Variants in PACRG observed in about 807,000 individuals in gnomAD.
PACRG encodes the protein parkin coregulated gene protein.
In PACRG, 29 loss-of-function variants were observed where a neutral mutation model predicts 29.7. The observed-to-expected ratio is 0.98, with a 90% CI of 0.73 to 1.33. PACRG has a LOEUF of 1.33. Ranked by LOEUF, PACRG falls within the 40% of genes most tolerant of loss-of-function variation. PACRG has a pLI of 0.00. For missense variants in PACRG, 279 were observed against 316.2 expected (o/e 0.88, Z 0.89); for synonymous variants, 116 against 118.7 (o/e 0.98, Z 0.15).
intron 2 of PACRG, among the ~76,000 whole-genome samples, chr6:162,955,516 G>T (rs898868904): frequency 6.6e-6 from 1 of 152,154 alleles, no homozygotes; most frequent in East Asian, 1.9e-4. Flanking sequence ...GGCCAGGCTG[G>T]TCTTGAACTC....
chr6:162,952,059 G>A (rs866613236), intron 2 of PACRG, among the ~76,000 whole-genome samples: 7 of 152,174 alleles, frequency 4.6e-5, no homozygotes, highest in Admixed American at 3.3e-4. Context: ...TAGTTCCTAC[G>A]TAGCTGAAAC....
At chr6:162,923,778 G>T (rs1797229732) in intron 2 of PACRG, among the ~76,000 whole-genome samples, 1 of 152,034 alleles carries the variant, frequency 6.6e-6, no homozygotes, top group East Asian at 1.9e-4. Context: ...AATATATTTT[G>T]AAGTCAGGTA....
chr6:162,807,955 T>C (rs1786501695), intron 1 of PACRG, among the ~76,000 whole-genome samples: 2 of 152,244 alleles, frequency 1.3e-5, no homozygotes, highest in South Asian at 4.1e-4. Context: ...CTTAAATTGT[T>C]ATATTGTTAT....
At chr6:163,212,281 T>A (rs963864190) in intron 4 of PACRG, among the ~76,000 whole-genome samples, 4 of 152,136 alleles carry the variant, frequency 2.6e-5, no homozygotes, top group African/African-American at 9.7e-5. Context: ...TGGTTGTAAC[T>A]ATGTGTATGT....
chr6:162,862,583 G>C (rs1234554649), intron 2 of PACRG, among the ~76,000 whole-genome samples: 5 of 152,302 alleles, frequency 3.3e-5, no homozygotes, highest in Non-Finnish European at 5.9e-5. Flanking sequence ...TATAAACTGG[G>C]AGTATCCACA....
At chr6:163,014,435 G>A (rs756235293) in intron 2 of PACRG, among the ~76,000 whole-genome samples, 11 of 152,050 alleles carry the variant, frequency 7.2e-5, no homozygotes, top group Admixed American at 2.0e-4. Flanking sequence ...TCTCCAAACT[G>A]TTTTCCACAG....
intron 3 of PACRG, among the ~76,000 whole-genome samples, chr6:163,082,311 T>C (rs1312652356): frequency 1.3e-5 from 2 of 152,140 alleles, no homozygotes; most frequent in South Asian, 2.1e-4. Flanking sequence ...AGATGGCAAT[T>C]GTCTGCCAAA....
chr6:163,144,296 A>C (rs1223678039), intron 4 of PACRG, among the ~76,000 whole-genome samples: 1 of 151,744 alleles, frequency 6.6e-6, no homozygotes, highest in Non-Finnish European at 1.5e-5. Context: ...CACTCACTCC[A>C]TCAGTTTAAA....
intron 2 of PACRG, among the ~76,000 whole-genome samples, chr6:162,911,857 C>G (rs1796326111): frequency 6.6e-6 from 1 of 152,134 alleles, no homozygotes; most frequent in African/African-American, 2.4e-5. Context: ...GGGAAAGATT[C>G]CTTAACTCTG....
chr6:163,199,454 C>G (rs1282728471), intron 4 of PACRG, among the ~76,000 whole-genome samples: 1 of 152,168 alleles, frequency 6.6e-6, no homozygotes, highest in Non-Finnish European at 1.5e-5. Flanking sequence ...CATGACAACC[C>G]TATAACCCAG....
intron 2 of PACRG, among the ~76,000 whole-genome samples, chr6:163,023,018 T>C (rs1448353931): frequency 6.6e-6 from 1 of 152,174 alleles, no homozygotes; most frequent in East Asian, 1.9e-4. Context: ...AAAATGCAAA[T>C]GTTAACATGC....
chr6:163,135,377 C>T (rs537831627), intron 4 of PACRG, among the ~76,000 whole-genome samples: 2 of 152,082 alleles, frequency 1.3e-5, no homozygotes, highest in South Asian at 2.1e-4. Flanking sequence ...TTAGTAGAGA[C>T]GGGGTTTCAC....
chr6:162,902,485 A>T (rs1279377366), intron 2 of PACRG, among the ~76,000 whole-genome samples: 1 of 152,232 alleles, frequency 6.6e-6, no homozygotes, highest in Non-Finnish European at 1.5e-5. Context: ...TTAAGAAACA[A>T]AATGTTTTTC....
chr6:163,171,072 G>A (rs911386403), intron 4 of PACRG: 7 of 152,178 alleles, frequency 4.6e-5, no homozygotes, highest in Non-Finnish European at 1.0e-4. Context: ...TTGTTTTGAT[G>A]TCTCAAAAGA....
intron 2 of PACRG, among the ~76,000 whole-genome samples, chr6:162,872,643 A>C (rs538174243): frequency 6.6e-6 from 1 of 152,356 alleles, no homozygotes; most frequent in Non-Finnish European, 1.5e-5. Context: ...AAACGTTCAC[A>C]GGAAAGAAGA....
chr6:162,862,458 A>G (rs1791943977), intron 2 of PACRG, among the ~76,000 whole-genome samples: 1 of 152,232 alleles, frequency 6.6e-6, no homozygotes, highest in African/African-American at 2.4e-5. Context: ...ACGGGGATGC[A>G]TTTAGGAAGA....
At chr6:162,947,293 TAATC>T (rs1368693045) in intron 2 of PACRG, among the ~76,000 whole-genome samples, 2 of 16,078 alleles carry the variant, frequency 1.2e-4, no homozygotes, top group Non-Finnish European at 2.4e-4. Flanking sequence ...ATCATACATA[TAATC>T]ATATAATATA....
At chr6:162,755,399 T>TTTCTTCTTCCTCCTCCTCCTCC (rs1781829955) in intron 1 of PACRG, among the ~76,000 whole-genome samples, 1 of 152,046 alleles carries the variant, frequency 6.6e-6, no homozygotes, top group African/African-American at 2.4e-5. Context: ...ATTTCTTCTT[T>TTTCTTCTTCCTCCTCCTCCTCC]TTCTTCTTCC....
intron 4 of PACRG, among the ~76,000 whole-genome samples, chr6:163,127,166 C>A (rs1450463879): frequency 6.6e-6 from 1 of 152,244 alleles, no homozygotes; most frequent in Non-Finnish European, 1.5e-5. Context: ...ACAAAAGTGG[C>A]GTCATTTCCA....
Sources: allele counts gnomAD v4.1 joint callset (sites outside exome capture counted in the v4.1 genomes callset), GRCh38; gene constraint gnomAD v4.1.1; transcripts MANE v1.5; gene names NCBI Gene and HGNC (gene_info 2026-07-23, HGNC 2026-07-21).